The following MTPN variants were observed in gnomAD, a reference collection of about 807,000 sequenced individuals.
The protein encoded by MTPN is granule cell differentiation protein.
A neutral mutation model predicts 13.5 loss-of-function variants in MTPN; 2 were observed. The observed-to-expected ratio is 0.15, with a 90% CI of 0.06 to 0.47. The LOEUF (loss-of-function observed/expected upper bound fraction) is 0.47, where lower values mean the gene tolerates loss of function less well. Ranked by LOEUF, MTPN falls within the 20% of genes least tolerant of loss-of-function variation. MTPN has a pLI of 0.97. For synonymous variants in MTPN, 46 were observed against 51.7 expected, an observed-to-expected ratio of 0.89 and a Z score of 0.48; for missense variants, 79 against 137.9, an observed-to-expected ratio of 0.57 and a Z score of 2.14.
intron 1 of MTPN, among the ~76,000 whole-genome samples, chr7:135,964,776 A>G (rs563700300): frequency 6.6e-6 from 1 of 152,172 alleles, no homozygotes; most frequent in South Asian, 2.1e-4. Context: ...AGGTTTCTGA[A>G]TAATGTTTTT....
At chr7:135,946,624 GAAA>G (rs1799292972) in intron 3 of MTPN, among the ~76,000 whole-genome samples, 1 of 152,132 alleles carries the variant, frequency 6.6e-6, no homozygotes, top group Admixed American at 6.5e-5. Flanking sequence ...GTATGCCTAG[GAAA>G]AAGTTTGCCA....
At chr7:135,945,945 T>C (rs1799281984) in intron 3 of MTPN, among the ~76,000 whole-genome samples, 1 of 152,182 alleles carries the variant, frequency 6.6e-6, no homozygotes, top group Non-Finnish European at 1.5e-5. Flanking sequence ...GTTTAATTTA[T>C]AAATTAGGCA....
At chr7:135,960,349 G>T (rs986476312) in intron 1 of MTPN, among the ~76,000 whole-genome samples, 1 of 151,902 alleles carries the variant, frequency 6.6e-6, no homozygotes, top group South Asian at 2.1e-4. Flanking sequence ...ATGATTTCAT[G>T]TTTTTTTAAA....
chr7:135,975,215 T>G lies in MTPN; in HGVS notation c.72+1814A>C, dbSNP rs116670521. On this transcript the variant is annotated intron_variant, in intron 1 of 3. Coordinates refer to ENST00000393085, the MANE Select transcript of MTPN (RefSeq NM_145808.4). ...ATTAATCCATCTTTATTGGCATATA[T>G]TTTCATATAAATATTTTTGTGTAGT... 6.8e-3 allele frequency among the ~76,000 whole-genome samples: 1,036 copies of G among 152,326 alleles called. 17 individuals are homozygous for G. Among genetic ancestry groups the G allele is most frequent in the African/African-American group, 0.023 (959 of 41,564 alleles).
chr7:135,932,607 T>C (rs1253118772), intron 3 of MTPN: 2 of 152,072 alleles, frequency 1.3e-5, no homozygotes, highest in East Asian at 1.9e-4. Flanking sequence ...TATACATATA[T>C]ACTTCTTTAA....
intron 1 of MTPN, among the ~76,000 whole-genome samples, chr7:135,971,341 C>T (rs946210752): frequency 1.3e-5 from 2 of 152,192 alleles, no homozygotes; most frequent in African/African-American, 4.8e-5. Context: ...CACAAGCACT[C>T]ACCTGTAAGC....
At chr7:135,959,925 T>G (rs1799496806) in intron 1 of MTPN, among the ~76,000 whole-genome samples, 1 of 152,082 alleles carries the variant, frequency 6.6e-6, no homozygotes, top group African/African-American at 2.4e-5. Context: ...CATAGTATAC[T>G]TTCCTCTTTA....
In MTPN at chr7:135,929,847, TAG is replaced by T. The variant is rs754512125; in HGVS notation, c.*77_*78del. On this transcript the variant is annotated 3_prime_UTR_variant, in exon 4 of 4. Coordinates refer to ENST00000393085, the MANE Select transcript of MTPN (RefSeq NM_145808.4). ...GTATTTAGCTGAAGAAGCTGGCAGATAGAGAGTGACAGACAGACAGGCAGCAG... is the reference window on the plus strand; with the variant it reads ...GTATTTAGCTGAAGAAGCTGGCAGATAGAGTGACAGACAGACAGGCAGCAG... The T allele has an allele frequency of 8.9e-6, 12 of 1,347,322 alleles. No homozygotes were observed. In the East Asian group the frequency reaches 1.4e-4, roughly 15 times the overall value. The allele number at this position is 1,347,322 out of a possible 1,614,324, so 83.5% of individuals were successfully genotyped here.
chr7:135,966,622 T>A (rs1799611368), intron 1 of MTPN, among the ~76,000 whole-genome samples: 1 of 152,124 alleles, frequency 6.6e-6, no homozygotes, highest in Non-Finnish European at 1.5e-5. Context: ...ACAGAAGAGA[T>A]GCTACAAGTG....
In MTPN at chr7:135,968,118, C is replaced by A. The variant is rs918366174; in HGVS notation, c.72+8911G>T. Reference sequence around the variant, plus strand: ...GCCTACAATTTTTTTTTAATACCTCCATTTTTCAGTATTTTTCAGATACTT... The same window carrying A: ...GCCTACAATTTTTTTTTAATACCTCAATTTTTCAGTATTTTTCAGATACTT... On this transcript the variant is annotated intron_variant, in intron 1 of 3. Transcript: ENST00000393085. Among the ~76,000 whole-genome samples, 7 of 152,152 alleles carry A rather than the reference C, an allele frequency of 4.6e-5. No homozygotes were observed. The East Asian group carries it at 7.7e-4, about 17-fold the overall frequency.
chr7:135,941,145 G>C (rs1375218014), intron 3 of MTPN, among the ~76,000 whole-genome samples: 1 of 152,158 alleles, frequency 6.6e-6, no homozygotes, highest in Non-Finnish European at 1.5e-5. Flanking sequence ...GGGCATTAGG[G>C]AGAATCAGAG....
At chr7:135,942,616 G>A (rs1180128534) in intron 3 of MTPN, among the ~76,000 whole-genome samples, 1 of 152,166 alleles carries the variant, frequency 6.6e-6, no homozygotes, top group Non-Finnish European at 1.5e-5. Context: ...CTACTACGGT[G>A]ATTAAATAAG....
At chr7:135,956,497 C>A (rs1438227138) in intron 1 of MTPN, among the ~76,000 whole-genome samples, 1 of 152,134 alleles carries the variant, frequency 6.6e-6, no homozygotes, top group Non-Finnish European at 1.5e-5. Flanking sequence ...CTATTTTAAA[C>A]CTCTTCTACT....
intron 3 of MTPN, among the ~76,000 whole-genome samples, chr7:135,936,397 A>T: frequency 6.6e-6 from 1 of 152,228 alleles, no homozygotes; most frequent in South Asian, 2.1e-4. Flanking sequence ...AGGCAGAAGA[A>T]TCGCTTGAAC....
At chr7:135,967,527 C>G (rs751593087) in intron 1 of MTPN, among the ~76,000 whole-genome samples, 5 of 152,142 alleles carry the variant, frequency 3.3e-5, no homozygotes, top group Non-Finnish European at 4.4e-5. Context: ...AAATTTCAAT[C>G]TCAAATAGCA....
chr7:135,945,168 C>A (rs183432739), intron 3 of MTPN, among the ~76,000 whole-genome samples: 1 of 152,124 alleles, frequency 6.6e-6, no homozygotes, highest in African/African-American at 2.4e-5. Context: ...ATGAAGCCTG[C>A]AGGACTGGAG....
Position 135,927,447 on chromosome 7 carries a change from T to C in MTPN, c.*2479A>G. 6.5e-7 allele frequency: 1 copy of C among 1,531,634 alleles called. No individual in the cohort carries two copies. Among genetic ancestry groups the C allele is most frequent in the South Asian group, 1.2e-5 (1 of 80,338 alleles). The allele number at this position is 1,531,634 out of a possible 1,614,324, so 94.9% of individuals were successfully genotyped here. On this transcript the variant is annotated 3_prime_UTR_variant, in exon 4 of 4. Coordinates refer to ENST00000393085, the MANE Select transcript of MTPN (RefSeq NM_145808.4). ...TATAGTGCATATGAAATGACTGATT[T>C]AATACAAAACTACAGAACATGCAAA...
intron 1 of MTPN, 93 bp downstream of exon 1, chr7:135,976,936 C>A: frequency 4.2e-6 from 3 of 708,746 alleles, no homozygotes; most frequent in East Asian, 3.2e-5. Flanking sequence ...CTCCCGCCCA[C>A]CCCCATCCCC....
chr7:135,939,348 TA>T (rs1799164399), intron 3 of MTPN, among the ~76,000 whole-genome samples: 1 of 152,068 alleles, frequency 6.6e-6, no homozygotes. Context: ...GTCAGTACTG[TA>T]GCTCACTCAG....
Sources: allele counts gnomAD v4.1 joint callset (sites outside exome capture counted in the v4.1 genomes callset), GRCh38; gene constraint gnomAD v4.1.1; transcripts MANE v1.5; gene names NCBI Gene and HGNC (gene_info 2026-07-23, HGNC 2026-07-21).